R3HDM2: variants seen among roughly 807,000 people sequenced by gnomAD.
The protein encoded by R3HDM2 is R3H domain containing 2.
In R3HDM2, 38 loss-of-function variants were observed where a neutral mutation model predicts 124.5. The ratio of observed to expected loss-of-function variants is 0.31; its 90% CI spans 0.24 to 0.40. The LOEUF (loss-of-function observed/expected upper bound fraction) is 0.40. R3HDM2 is among the 10% of genes least tolerant of loss of function. The pLI, the probability that R3HDM2 is intolerant of heterozygous loss-of-function variation, is 1.00. For missense variants in R3HDM2, 869 were observed against 1,236.9 expected, an observed-to-expected ratio of 0.70 and a Z score of 4.46; for synonymous variants, 391 against 448.0, an observed-to-expected ratio of 0.87 and a Z score of 1.61.
chr12:57,361,009 C>A lies in R3HDM2; in HGVS notation c.-36+34740G>T, dbSNP rs187943813. On this transcript the variant is annotated intron_variant, in intron 2 of 23. Coordinates refer to ENST00000402412, the MANE Select transcript of R3HDM2 (RefSeq NM_001394031.1). ...AGAGCTTGCGGTGAGCGGAGATGCA[C>A]CACTGCCTCCAGCCTGGGCAACAGA... 2.2e-3 allele frequency among the ~76,000 whole-genome samples: 303 copies of A among 134,810 alleles called. 8 individuals carry two copies. The East Asian group carries it at 0.054, about 24-fold the overall frequency. The allele number at this position is 134,810 out of a possible 152,430, so 88.4% of individuals were successfully genotyped here.
chr12:57,402,629 C>T (rs919005315), intron 1 of R3HDM2, among the ~76,000 whole-genome samples: 61 of 152,044 alleles, frequency 4.0e-4, no homozygotes, highest in African/African-American at 1.3e-3. Context: ...ATTAGCCAGG[C>T]GTGGTGGCAG....
At chr12:57,338,513 C>T (rs1485281796) in intron 2 of R3HDM2, among the ~76,000 whole-genome samples, 3 of 152,184 alleles carry the variant, frequency 2.0e-5, no homozygotes, top group African/African-American at 7.2e-5. Flanking sequence ...CCTCAGCCTC[C>T]CGAGTAACTG....
intron 2 of R3HDM2, among the ~76,000 whole-genome samples, chr12:57,392,804 CTTTTT>C (rs1183514418): frequency 7.8e-6 from 1 of 127,516 alleles, no homozygotes. Flanking sequence ...CTATAGTACA[CTTTTT>C]TTTTTTTTTT....
At position 57,254,341 on chromosome 12, in the gene R3HDM2, A is replaced by C. The variant is rs768426598; in HGVS notation, c.*432T>G. The C allele has an allele frequency of 3.1e-5, 13 of 415,960 alleles. No individual in the cohort carries two copies. Among genetic ancestry groups the C allele is most frequent in the South Asian group, 2.3e-4 (13 of 57,690 alleles). The allele number at this position is 415,960 out of a possible 1,614,324, so 25.8% of individuals were successfully genotyped here. A position where few individuals can be genotyped will look rare whatever the true frequency, so the allele number is the denominator to read the frequency against. The stretch of plus-strand genomic sequence containing the variant: ...CATGGTGAAACTCCGTCTCTACTAA[A>C]AATACAAAAATTAGCCGGGCATGGT... On this transcript the variant is annotated 3_prime_UTR_variant, in exon 24 of 24. Transcript: ENST00000402412.
intron 21 of R3HDM2, among the ~76,000 whole-genome samples, chr12:57,257,276 A>G (rs79821882): frequency 0.012 from 1,784 of 152,264 alleles, 33 homozygotes; most frequent in African/African-American, 0.04. Context: ...AATATGATCT[A>G]ACGTTGGGTA....
chr12:57,419,833 CT>C (rs2070015888), intron 1 of R3HDM2, among the ~76,000 whole-genome samples: 2 of 151,952 alleles, frequency 1.3e-5, no homozygotes, highest in Non-Finnish European at 2.9e-5. Context: ...CCCATGATAT[CT>C]TTGCCTGCCT....
At chr12:57,381,580 C>A (rs2064886223) in intron 2 of R3HDM2, among the ~76,000 whole-genome samples, 1 of 150,844 alleles carries the variant, frequency 6.6e-6, no homozygotes, top group Non-Finnish European at 1.5e-5. Context: ...GCAAATGAAT[C>A]CCATCAAAAA....
intron 2 of R3HDM2, among the ~76,000 whole-genome samples, chr12:57,361,962 G>A (rs905578611): frequency 1.3e-4 from 19 of 151,982 alleles, no homozygotes; most frequent in Admixed American, 1.2e-3. Flanking sequence ...GCAAAACCCC[G>A]TATCTACAAA....
intron 10 of R3HDM2, among the ~76,000 whole-genome samples, chr12:57,293,241 A>AT (rs1001424290): frequency 6.6e-6 from 1 of 152,128 alleles, no homozygotes; most frequent in African/African-American, 2.4e-5. Flanking sequence ...AAGCCTAAGC[A>AT]TTTTTTTCCT....
chr12:57,360,859 T>C (rs1288527464), intron 2 of R3HDM2, among the ~76,000 whole-genome samples: 4 of 151,772 alleles, frequency 2.6e-5, no homozygotes, highest in African/African-American at 7.3e-5. Flanking sequence ...GAGATCATCC[T>C]GGCTAACACG....
chr12:57,385,476 TC>T (rs1202096545), intron 2 of R3HDM2, among the ~76,000 whole-genome samples: 1 of 151,882 alleles, frequency 6.6e-6, no homozygotes, highest in African/African-American at 2.4e-5. Context: ...TCTCCTGACC[TC>T]GCGATCCGCC....
At chr12:57,396,634 C>A (rs1473065049) in intron 1 of R3HDM2, among the ~76,000 whole-genome samples, 1 of 151,694 alleles carries the variant, frequency 6.6e-6, no homozygotes, top group Non-Finnish European at 1.5e-5. Context: ...CAAAAATTAG[C>A]CAAGTGTGTT....
At chr12:57,290,650 G>A (rs2048383602) in intron 11 of R3HDM2, among the ~76,000 whole-genome samples, 1 of 152,090 alleles carries the variant, frequency 6.6e-6, no homozygotes, top group African/African-American at 2.4e-5. Context: ...TTTTCCTCTT[G>A]TTGCCCAGGC....
chr12:57,318,927 C>A (rs1015451179), intron 2 of R3HDM2, among the ~76,000 whole-genome samples: 3 of 152,152 alleles, frequency 2.0e-5, no homozygotes, highest in African/African-American at 7.2e-5. Context: ...GGACTCAAAT[C>A]CAGAAAATCT....
intron 1 of R3HDM2, among the ~76,000 whole-genome samples, chr12:57,422,518 C>T (rs941322043): frequency 2.6e-5 from 4 of 152,214 alleles, no homozygotes; most frequent in Admixed American, 2.6e-4. Context: ...ACCTAGCTAA[C>T]TCCCAGGTAG....
chr12:57,421,114 G>A (rs915361703), intron 1 of R3HDM2, among the ~76,000 whole-genome samples: 2 of 150,050 alleles, frequency 1.3e-5, no homozygotes, highest in African/African-American at 4.9e-5. Context: ...CTCTTGCTCT[G>A]TAGCTTTGTC....
intron 2 of R3HDM2, among the ~76,000 whole-genome samples, chr12:57,392,111 C>T (rs144060031): frequency 3.9e-5 from 6 of 152,246 alleles, no homozygotes; most frequent in East Asian, 1.9e-4. Flanking sequence ...TGCAGTGAGC[C>T]GAGATCGTGC....
chr12:57,302,359 G>C (rs2051398141), intron 4 of R3HDM2, among the ~76,000 whole-genome samples: 1 of 151,514 alleles, frequency 6.6e-6, no homozygotes, highest in Non-Finnish European at 1.5e-5. Flanking sequence ...TGAGACGGGT[G>C]GATCACCTAA....
chr12:57,425,511 C>T (rs2139669197), intron 1 of R3HDM2, among the ~76,000 whole-genome samples: 1 of 152,174 alleles, frequency 6.6e-6, no homozygotes, highest in South Asian at 2.1e-4. Flanking sequence ...GTTAAAAGCA[C>T]ACTTCAGGCC....
Sources: allele counts gnomAD v4.1 joint callset (sites outside exome capture counted in the v4.1 genomes callset), GRCh38; gene constraint gnomAD v4.1.1; transcripts MANE v1.5; gene names NCBI Gene and HGNC (gene_info 2026-07-23, HGNC 2026-07-21).